NCKAP1: variants seen among roughly 807,000 people sequenced by gnomAD.
NCKAP1 encodes the protein nck-associated protein 1.
In NCKAP1, 21 loss-of-function variants were observed where a neutral mutation model predicts 151.2. That is an observed-to-expected ratio of 0.14 (90% CI 0.10 to 0.20). The LOEUF is 0.20. Among genes scored for constraint, NCKAP1 ranks in the 10% least tolerant of loss-of-function variants. The probability of loss-of-function intolerance (pLI) is 1.00; values close to 1 mark genes in which losing one functional copy is unlikely to be tolerated. For synonymous variants in NCKAP1, 484 were observed against 451.8 expected, an observed-to-expected ratio of 1.07 and a Z score of -0.90; for missense variants, 933 against 1,352.1, an observed-to-expected ratio of 0.69 and a Z score of 4.86.
At chr2:182,953,903 G>A (rs1405473344) in intron 20 of NCKAP1, among the ~76,000 whole-genome samples, 1 of 152,088 alleles carries the variant, frequency 6.6e-6, no homozygotes, top group Non-Finnish European at 1.5e-5. Context: ...TATAAAGAGG[G>A]TTTTACAAAT....
intron 23 of NCKAP1, among the ~76,000 whole-genome samples, chr2:182,950,639 G>T (rs569368141): frequency 1.3e-5 from 2 of 152,130 alleles, no homozygotes; most frequent in African/African-American, 4.8e-5. Context: ...AATAATTGCA[G>T]AAAACTTTAA....
At chr2:183,035,219 C>T (rs1163753681) in intron 1 of NCKAP1, among the ~76,000 whole-genome samples, 1 of 151,898 alleles carries the variant, frequency 6.6e-6, no homozygotes, top group African/African-American at 2.4e-5. Flanking sequence ...CGTCAAACTA[C>T]AAGTTCCCTA....
intron 26 of NCKAP1, among the ~76,000 whole-genome samples, chr2:182,931,326 A>C (rs1199690075): frequency 6.6e-6 from 1 of 152,122 alleles, no homozygotes; most frequent in Non-Finnish European, 1.5e-5. Context: ...TCAAATATTC[A>C]AGGCATTCTG....
intron 17 of NCKAP1, 77 bp from the exon 18 acceptor site, chr2:182,962,355 T>G: frequency 7.3e-7 from 1 of 1,364,838 alleles, no homozygotes; most frequent in Non-Finnish European, 9.9e-7. Context: ...TAAATAGACA[T>G]GGAAAATTAG....
intron 1 of NCKAP1, among the ~76,000 whole-genome samples, chr2:183,029,580 C>T (rs1192568798): frequency 3.3e-5 from 5 of 151,628 alleles, no homozygotes; most frequent in East Asian, 1.9e-4. Context: ...CCAGCACTTG[C>T]GGAGGCCAAG....
intron 2 of NCKAP1, among the ~76,000 whole-genome samples, chr2:183,009,425 A>AG (rs1338282650): frequency 6.9e-5 from 4 of 58,062 alleles, no homozygotes; most frequent in South Asian, 6.9e-4. Flanking sequence ...AGGGAAGGGA[A>AG]GGAAGGAAGG....
At position 182,953,343 on chromosome 2, in the gene NCKAP1, G is replaced by A; in HGVS notation, c.2154-12C>T. 1 of 1,575,182 alleles carries A rather than the reference G, an allele frequency of 6.3e-7. No homozygotes were observed. Among genetic ancestry groups the A allele is most frequent in the Non-Finnish European group, 8.7e-7 (1 of 1,154,882 alleles). On this transcript the variant is annotated splice_polypyrimidine_tract_variant and intron_variant, in intron 20 of 30. Coordinates refer to ENST00000361354, the MANE Select transcript of NCKAP1 (RefSeq NM_013436.5). ...TCCCAACAATTGACCTGGGAAGAAG[G>A]GATAGAAGAATAAGAAAAGCCTCTG...
At chr2:182,968,843 T>C (rs1697628637) in intron 15 of NCKAP1, among the ~76,000 whole-genome samples, 1 of 152,164 alleles carries the variant, frequency 6.6e-6, no homozygotes, top group African/African-American at 2.4e-5. Context: ...AGGATAAAAA[T>C]TAAACCTCAA....
At chr2:182,974,173 T>C (rs1243236494) in intron 15 of NCKAP1, among the ~76,000 whole-genome samples, 1 of 151,914 alleles carries the variant, frequency 6.6e-6, no homozygotes, top group Non-Finnish European at 1.5e-5. Flanking sequence ...CCTTGCACTT[T>C]TGTTCTCTAC....
intron 1 of NCKAP1, chr2:183,025,145 A>T: frequency 2.8e-6 from 2 of 718,366 alleles, no homozygotes; most frequent in Non-Finnish European, 4.6e-6. Flanking sequence ...TTTTAAAGGT[A>T]TTCTAAGTAG....
intron 28 of NCKAP1, 134 bp from the exon 29 acceptor site, chr2:182,928,360 C>T (rs542482313): frequency 4.7e-5 from 28 of 599,070 alleles, no homozygotes; most frequent in Non-Finnish European, 4.3e-5. Flanking sequence ...ACCGGACTTG[C>T]TCTCCTTTGA....
chr2:182,999,945 T>A (rs1424993205), intron 6 of NCKAP1, among the ~76,000 whole-genome samples: 1 of 152,068 alleles, frequency 6.6e-6, no homozygotes, highest in East Asian at 1.9e-4. Flanking sequence ...AAGGGGAAGC[T>A]AAGCATTGGG....
chr2:182,974,661 TC>T (rs2105846310), intron 15 of NCKAP1, among the ~76,000 whole-genome samples: 1 of 152,210 alleles, frequency 6.6e-6, no homozygotes, highest in South Asian at 2.1e-4. Context: ...GAAGAGGTTC[TC>T]CCTTGCAGTC....
At chr2:182,957,305 A>T (rs1053330739) in intron 19 of NCKAP1, 152 bp downstream of exon 19, 11 of 804,802 alleles carry the variant, frequency 1.4e-5, no homozygotes, top group Non-Finnish European at 2.0e-5. Flanking sequence ...TAAGCAACTA[A>T]CAGGTTAATT....
chr2:183,011,751 A>G (rs886171110), intron 2 of NCKAP1, among the ~76,000 whole-genome samples: 1 of 152,164 alleles, frequency 6.6e-6, no homozygotes, highest in African/African-American at 2.4e-5. Flanking sequence ...ACATATTTTC[A>G]TTTCTCTTCG....
In NCKAP1 at chr2:182,956,502, G is replaced by T; in HGVS notation, c.2113C>A (p.Arg705=). 6.2e-7 allele frequency: 1 copy of T among 1,610,562 alleles called. No individual in the cohort carries two copies. The highest frequency in any genetic ancestry group is 1.1e-5 in the South Asian group (1 of 90,074). ...TCCAGATGAGAAGTCAAATATTCTC[G>T]TGGGGTAAAGGTATGTTCCCATACC... ...MVVWEHTFTP[R]EYLTSHLEIR... is the part of the protein sequence containing the mutation. The change falls in exon 20 of 31, where the codon CGA becomes AGA. Residue 705 remains arginine (R), a synonymous_variant. Transcript: ENST00000361354.
rs1227206983 is a variant in NCKAP1 at position 182,920,804 on chromosome 2, G to C, written c.*4898C>G. On this transcript the variant is annotated 3_prime_UTR_variant, in exon 31 of 31. Transcript: ENST00000361354. ...CAGATTTCAACATATGAATTTTGTG[G>C]CCAGGGGGACACAAACATTCAGACC... 1 of 151,992 alleles carries C rather than the reference G, an allele frequency of 6.6e-6. No individual in the cohort carries two copies. Among genetic ancestry groups the C allele is most frequent in the Admixed American group, 6.6e-5 (1 of 15,250 alleles). 9.4% of individuals were successfully genotyped at this position (151,992 alleles called of 1,614,324 possible).
chr2:182,977,318 C>A (rs1697844346), intron 14 of NCKAP1, among the ~76,000 whole-genome samples: 1 of 151,882 alleles, frequency 6.6e-6, no homozygotes, highest in Non-Finnish European at 1.5e-5. Flanking sequence ...AGTGAAACCC[C>A]ATCTCTACTA....
chr2:183,022,269 G>A (rs188909935), intron 2 of NCKAP1, among the ~76,000 whole-genome samples: 10 of 152,268 alleles, frequency 6.6e-5, no homozygotes, highest in African/African-American at 2.4e-4. Context: ...TTTATGAGCT[G>A]TAAGAAAAAG....
Sources: allele counts gnomAD v4.1 joint callset (sites outside exome capture counted in the v4.1 genomes callset), GRCh38; gene constraint gnomAD v4.1.1; transcripts MANE v1.5; gene names NCBI Gene and HGNC (gene_info 2026-07-23, HGNC 2026-07-21).